Variants in ZMAT4 observed in about 807,000 individuals in gnomAD.
The protein encoded by ZMAT4 is zinc finger matrin-type 4, also known as zinc finger matrin-type protein 4.
ZMAT4 carries 17 observed loss-of-function variants against 28.7 expected under a neutral mutation model. That is an observed-to-expected ratio of 0.59 (90% CI 0.41 to 0.89). The LOEUF (loss-of-function observed/expected upper bound fraction) is 0.89. Among genes scored for constraint, ZMAT4 ranks in the 40% least tolerant of loss-of-function variants. ZMAT4 has a pLI of 0.00. For missense variants in ZMAT4, 240 were observed against 283.8 expected, an observed-to-expected ratio of 0.85 and a Z score of 1.11; for synonymous variants, 117 against 109.2, an observed-to-expected ratio of 1.07 and a Z score of -0.44.
intron 2 of ZMAT4, among the ~76,000 whole-genome samples, chr8:40,783,461 G>T (rs185578664): frequency 1.3e-5 from 2 of 152,248 alleles, no homozygotes; most frequent in Admixed American, 6.5e-5. Context: ...TGAGTTTAGG[G>T]GTTTTGGAGG....
chr8:40,667,514 C>T (rs2599670), intron 5 of ZMAT4, among the ~76,000 whole-genome samples: 129,016 of 152,190 alleles, frequency 0.85, 54,876 homozygotes, highest in East Asian at 0.96. Context: ...TTGTGAGGAT[C>T]CACTTACAAT....
intron 5 of ZMAT4, among the ~76,000 whole-genome samples, chr8:40,591,749 T>C (rs1804901549): frequency 6.6e-6 from 1 of 152,182 alleles, no homozygotes; most frequent in African/African-American, 2.4e-5. Context: ...TTTGGTGGTA[T>C]CAAGGAAGCC....
At chr8:40,548,251 G>T (rs541922076) in intron 6 of ZMAT4, among the ~76,000 whole-genome samples, 45 of 152,042 alleles carry the variant, frequency 3.0e-4, no homozygotes, top group Non-Finnish European at 4.6e-4. Context: ...CACAGAGTGG[G>T]TGGTTTGATC....
chr8:40,757,376 G>C (rs1163012233), intron 3 of ZMAT4, among the ~76,000 whole-genome samples: 1 of 152,074 alleles, frequency 6.6e-6, no homozygotes, highest in Non-Finnish European at 1.5e-5. Context: ...ACACACGCAT[G>C]CACACAAACA....
intron 3 of ZMAT4, among the ~76,000 whole-genome samples, chr8:40,726,935 A>G (rs577564448): frequency 6.6e-6 from 1 of 152,310 alleles, no homozygotes; most frequent in East Asian, 1.9e-4. Context: ...ATAAGCCTGG[A>G]TTTCATACTG....
chr8:40,766,534 A>G (rs1813167010), intron 3 of ZMAT4, among the ~76,000 whole-genome samples: 1 of 152,210 alleles, frequency 6.6e-6, no homozygotes, highest in Admixed American at 6.5e-5. Flanking sequence ...CCCGGCTCTT[A>G]GCAGCTTGCA....
At chr8:40,864,003 T>A (rs1305703201) in intron 1 of ZMAT4, among the ~76,000 whole-genome samples, 1 of 152,236 alleles carries the variant, frequency 6.6e-6, no homozygotes, top group Non-Finnish European at 1.5e-5. Context: ...GTGCCTCACA[T>A]GGTGTCCAAC....
intron 6 of ZMAT4, among the ~76,000 whole-genome samples, chr8:40,561,275 T>G (rs1463954738): frequency 6.6e-6 from 1 of 152,172 alleles, no homozygotes; most frequent in Non-Finnish European, 1.5e-5. Context: ...CTGTGGTCTT[T>G]CATTTGACAT....
chr8:40,683,464 T>C (rs544538059), intron 4 of ZMAT4, among the ~76,000 whole-genome samples: 1 of 152,312 alleles, frequency 6.6e-6, no homozygotes, highest in South Asian at 2.1e-4. Context: ...GTAAGGTATT[T>C]TAACATTTTG....
intron 4 of ZMAT4, among the ~76,000 whole-genome samples, chr8:40,675,703 A>C (rs1382340154): frequency 6.6e-6 from 1 of 152,230 alleles, no homozygotes; most frequent in African/African-American, 2.4e-5. Context: ...TAAGTGGTAG[A>C]AACTGATCTT....
chr8:40,855,679 C>G (rs1030173657), intron 1 of ZMAT4, among the ~76,000 whole-genome samples: 3 of 139,912 alleles, frequency 2.1e-5, no homozygotes, highest in Non-Finnish European at 4.7e-5. Context: ...TTCACCAAAA[C>G]TTTTTTTTTT....
intron 3 of ZMAT4, among the ~76,000 whole-genome samples, chr8:40,736,243 ACTCCTCTAAC>A (rs754559676): frequency 2.0e-5 from 3 of 152,100 alleles, no homozygotes. Flanking sequence ...AATGATGACA[ACTCCTCTAAC>A]CTTTCCTGAC....
chr8:40,539,219 T>A (rs1282984589), intron 6 of ZMAT4, among the ~76,000 whole-genome samples: 1 of 152,212 alleles, frequency 6.6e-6, no homozygotes, highest in Non-Finnish European at 1.5e-5. Flanking sequence ...TTTCAATGCT[T>A]GCTACACATT....
chr8:40,797,364 A>G (rs1301483266), intron 2 of ZMAT4, among the ~76,000 whole-genome samples: 1 of 152,204 alleles, frequency 6.6e-6, no homozygotes, highest in Non-Finnish European at 1.5e-5. Flanking sequence ...TTACCCAGAC[A>G]GTGCCGACAT....
At chr8:40,714,696 A>G (rs558479852) in intron 3 of ZMAT4, among the ~76,000 whole-genome samples, 3 of 152,338 alleles carry the variant, frequency 2.0e-5, no homozygotes, top group East Asian at 3.9e-4. Context: ...TAGAATACAT[A>G]TTATGTTAGT....
intron 2 of ZMAT4, chr8:40,808,643 A>T (rs1320951065): frequency 2.3e-6 from 1 of 432,812 alleles, no homozygotes; most frequent in Non-Finnish European, 4.6e-6. Context: ...TTACATGGTC[A>T]CATTAGACAT....
chr8:40,742,349 T>C (rs1812046819), intron 3 of ZMAT4, among the ~76,000 whole-genome samples: 1 of 150,496 alleles, frequency 6.6e-6, no homozygotes, highest in South Asian at 2.1e-4. Context: ...ATGTGTGGTT[T>C]ATATATATAA....
At chr8:40,771,786 G>A (rs573309025) in intron 2 of ZMAT4, among the ~76,000 whole-genome samples, 6 of 152,264 alleles carry the variant, frequency 3.9e-5, no homozygotes, top group African/African-American at 1.2e-4. Context: ...TAAGCTATAC[G>A]CACAACTACA....
chr8:40,875,469 G>T (rs1818010310), intron 1 of ZMAT4, among the ~76,000 whole-genome samples: 1 of 152,198 alleles, frequency 6.6e-6, no homozygotes, highest in Admixed American at 6.5e-5. Context: ...GGAACTGACA[G>T]TCAATACAGC....
Sources: allele counts gnomAD v4.1 joint callset (sites outside exome capture counted in the v4.1 genomes callset), GRCh38; gene constraint gnomAD v4.1.1; transcripts MANE v1.5; gene names NCBI Gene and HGNC (gene_info 2026-07-23, HGNC 2026-07-21).